The following OXNAD1 variants were observed in gnomAD, a reference collection of about 807,000 sequenced individuals.
The protein encoded by OXNAD1 is oxidoreductase NAD binding domain containing 1.
Under a neutral mutation model 32.9 loss-of-function variants are expected in OXNAD1, and 34 were observed. The ratio of observed to expected loss-of-function variants is 1.03; its 90% CI spans 0.79 to 1.38. The LOEUF (loss-of-function observed/expected upper bound fraction) is 1.38, where lower values mean the gene tolerates loss of function less well. Ranked by LOEUF, OXNAD1 falls within the 40% of genes most tolerant of loss-of-function variation. OXNAD1 has a pLI of 0.00. For missense variants in OXNAD1, 407 were observed against 379.4 expected (o/e 1.07, Z -0.60); for synonymous variants, 134 against 135.2 (o/e 0.99, Z 0.06).
rs959887207 is a variant in OXNAD1 at position 16,344,993 on chromosome 3, T to C, written c.*31-4183T>C. ...TTTTAAGCTCTTTTAGGGGGCCACA[T>C]GGAAAGCATAAGAAATGGGGGCAGC... is the stretch of plus-strand genomic sequence containing the variant. On this transcript the variant is annotated intron_variant, in intron 9 of 9. Coordinates refer to the OXNAD1 transcript ENST00000606098. This position sits in a 1 kb window ranked among gnomAD's most constrained non-coding sequence, Gnocchi z 4.4. 3 of 152,152 alleles carry C rather than the reference T, an allele frequency of 2.0e-5. No individual in the cohort carries two copies. Among genetic ancestry groups the C allele is most frequent in the African/African-American group, 7.2e-5 (3 of 41,418 alleles). The allele number at this position is 152,152 out of a possible 1,614,324, so 9.4% of individuals were successfully genotyped here.
rs1232002223 is a variant in OXNAD1, at chr3:16,298,749, A to C, written c.433-2877A>C. 6.6e-6 allele frequency among the ~76,000 whole-genome samples: 1 copy of C among 152,142 alleles called. No individual in the cohort carries two copies. Among genetic ancestry groups the C allele is most frequent in the Non-Finnish European group, 1.5e-5 (1 of 68,024 alleles). On this transcript the variant is annotated intron_variant, in intron 6 of 8. Coordinates refer to ENST00000285083, the MANE Select transcript of OXNAD1 (RefSeq NM_138381.5). This position sits in a 1 kb window ranked among gnomAD's most constrained non-coding sequence, Gnocchi z 5.1. ...CTCTTGGCAGGGTAAAGGGTTCTAG[A>C]CAGCTATTGTGTGCTCAGCTCCAGT...
At position 16,265,972 on chromosome 3, in the gene OXNAD1, A is replaced by G. The variant is rs1182188973; in HGVS notation, c.-159+467A>G. 2.2e-6 allele frequency: 2 copies of G among 904,018 alleles called. No individual in the cohort carries two copies. Among genetic ancestry groups the G allele is most frequent in the Non-Finnish European group, 2.6e-6 (2 of 755,842 alleles). 56.0% of individuals were successfully genotyped at this position (904,018 alleles called of 1,614,324 possible). Reference sequence around the variant, plus strand: ...GCAGATAAAAGGCATTTTTGTCTTGAAAGCAGTGCTAGTGCCTGTTTTGGT... The same window carrying G: ...GCAGATAAAAGGCATTTTTGTCTTGGAAGCAGTGCTAGTGCCTGTTTTGGT... On this transcript the variant is annotated intron_variant, in intron 1 of 8. Transcript: ENST00000285083. The surrounding 1 kb of genome is among the most constrained non-coding windows in gnomAD (Gnocchi z 4.8).
At chr3:16,343,980 G>T (rs2071478573) in intron 9 of OXNAD1, among the ~76,000 whole-genome samples, 1 of 152,172 alleles carries the variant, frequency 6.6e-6, no homozygotes, top group Non-Finnish European at 1.5e-5. Context: ...CTGAGGTGGA[G>T]CAGGGTCTCA....
chr3:16,346,448 C>T lies in OXNAD1; in HGVS notation c.*31-2728C>T, dbSNP rs1343053322. 6.6e-6 allele frequency: 1 copy of T among 152,154 alleles called. No homozygotes were observed. The highest frequency in any genetic ancestry group is 1.9e-4 in the East Asian group (1 of 5,192). The allele number at this position is 152,154 out of a possible 1,614,324, so 9.4% of individuals were successfully genotyped here. On this transcript the variant is annotated intron_variant, in intron 9 of 9. Coordinates refer to the OXNAD1 transcript ENST00000606098. This position sits in a 1 kb window ranked among gnomAD's most constrained non-coding sequence, Gnocchi z 4.4. ...TTAAAGGTCAAATACTTCCTTTTGTCATCTCATTATCCAAACCGTCAACAA... is the reference window on the plus strand; with the variant it reads ...TTAAAGGTCAAATACTTCCTTTTGTTATCTCATTATCCAAACCGTCAACAA...
intron 4 of OXNAD1, among the ~76,000 whole-genome samples, 162 bp from the exon 5 acceptor site, chr3:16,286,177 CATG>C (rs2066057927): frequency 6.6e-6 from 1 of 152,240 alleles, no homozygotes; most frequent in African/African-American, 2.4e-5. Context: ...AATGTATTCA[CATG>C]GTGGTAGGCT....
At chr3:16,308,294 C>T (rs2067711646), downstream of OXNAD1, among the ~76,000 whole-genome samples, 1 of 152,086 alleles carries the variant, frequency 6.6e-6, no homozygotes, top group African/African-American at 2.4e-5. This position sits in a 1 kb window ranked among gnomAD's most constrained non-coding sequence, Gnocchi z 4.4. Context: ...CTGGGTGAGT[C>T]ACTGGAATGA....
Position 16,342,846 on chromosome 3 carries a change from A to AT in OXNAD1, c.*31-6324dup, listed in dbSNP as rs1204225413. Among the ~76,000 whole-genome samples, 5 of 152,176 alleles carry AT rather than the reference A, an allele frequency of 3.3e-5. No individual in the cohort carries two copies. In the East Asian group the frequency reaches 9.7e-4, roughly 29 times the overall value. Reference sequence around the variant, plus strand: ...TCCAGTGGCTGCTAGGCCTGGCTGAATTTTTTACATGCAGTTCCCTAATCT... The same window carrying AT: ...TCCAGTGGCTGCTAGGCCTGGCTGAATTTTTTTACATGCAGTTCCCTAATCT... On this transcript the variant is annotated intron_variant, in intron 9 of 9. Transcript: ENST00000606098. The surrounding 1 kb of genome is among the most constrained non-coding windows in gnomAD (Gnocchi z 4.0).
At position 16,314,269 on chromosome 3, in the gene OXNAD1, A is replaced by C. The variant is rs1232486864; in HGVS notation, c.*30+10677A>C. On this transcript the variant is annotated intron_variant, in intron 9 of 9. Transcript: ENST00000435829. The surrounding 1 kb of genome is among the most constrained non-coding windows in gnomAD (Gnocchi z 4.4). ...CCTATTGGCAATCACAGGGAACTTA[A>C]CATTTCCTTCAGAAATGCCTCCACT... 6.6e-6 allele frequency among the ~76,000 whole-genome samples: 1 copy of C among 152,160 alleles called. No individual in the cohort carries two copies. Among genetic ancestry groups the C allele is most frequent in the Non-Finnish European group, 1.5e-5 (1 of 68,024 alleles).
In OXNAD1 at chr3:16,298,884, A is replaced by C. The variant is rs2066986118; in HGVS notation, c.433-2742A>C. On this transcript the variant is annotated intron_variant, in intron 6 of 8. Coordinates refer to ENST00000285083, the MANE Select transcript of OXNAD1 (RefSeq NM_138381.5). This position sits in a 1 kb window ranked among gnomAD's most constrained non-coding sequence, Gnocchi z 5.1. Reference sequence around the variant, plus strand: ...TTTATTCACTTACATATTACAGTGTACAGTACTTTGAGTCTTGTGTTCGTG... The same window carrying C: ...TTTATTCACTTACATATTACAGTGTCCAGTACTTTGAGTCTTGTGTTCGTG... Among the ~76,000 whole-genome samples the C allele has an allele frequency of 6.6e-6, 1 of 152,208 alleles. No homozygotes were observed. Among genetic ancestry groups the C allele is most frequent in the Admixed American group, 6.5e-5 (1 of 15,274 alleles).
chr3:16,280,456 T>G lies in OXNAD1; in HGVS notation c.184-5886T>G, dbSNP rs1475417358. 1.3e-5 allele frequency among the ~76,000 whole-genome samples: 2 copies of G among 152,120 alleles called. No homozygotes were observed. The highest frequency in any genetic ancestry group is 2.9e-5 in the Non-Finnish European group (2 of 68,028). On this transcript the variant is annotated intron_variant, in intron 4 of 8. Coordinates refer to ENST00000285083, the MANE Select transcript of OXNAD1 (RefSeq NM_138381.5). The surrounding 1 kb of genome is among the most constrained non-coding windows in gnomAD (Gnocchi z 4.5). ...GTAAATCACTTGAGTAAAATCTGCT[T>G]CTAGTCAGATTCCTACACATCAGAT...
downstream of OXNAD1, among the ~76,000 whole-genome samples, chr3:16,308,743 A>G (rs2067747795): frequency 6.6e-6 from 1 of 152,310 alleles, no homozygotes; most frequent in South Asian, 2.1e-4. This position sits in a 1 kb window ranked among gnomAD's most constrained non-coding sequence, Gnocchi z 4.4. Context: ...AAACTTTTAT[A>G]GTTGTTGAGC....
At chr3:16,286,568 A>T in intron 5 of OXNAD1, 120 bp downstream of exon 5, 1 of 782,960 alleles carries the variant, frequency 1.3e-6, no homozygotes, top group Non-Finnish European at 2.1e-6. Flanking sequence ...ATTCTAAATC[A>T]TATCTGCTCA....
rs927991542 is a variant in OXNAD1, at chr3:16,280,251, A to C, written c.184-6091A>C. ...GAGAGGGTGTGATGCAGGAGAGAGG[A>C]TAGTTGCTGGAGGGAAGGCTTGAGA... is the stretch of plus-strand genomic sequence containing the variant. On this transcript the variant is annotated intron_variant, in intron 4 of 8. Coordinates refer to ENST00000285083, the MANE Select transcript of OXNAD1 (RefSeq NM_138381.5). The surrounding 1 kb of genome is among the most constrained non-coding windows in gnomAD (Gnocchi z 4.5). Among the ~76,000 whole-genome samples, 2 of 152,066 alleles carry C rather than the reference A, an allele frequency of 1.3e-5. No individual in the cohort carries two copies. Among genetic ancestry groups the C allele is most frequent in the African/African-American group, 4.8e-5 (2 of 41,398 alleles).
In OXNAD1 at chr3:16,335,291, T is replaced by A. The variant is rs2070736480; in HGVS notation, c.*31-1821T>A. On this transcript the variant is annotated intron_variant, in intron 9 of 9. Transcript: ENST00000435829. The surrounding 1 kb of genome is among the most constrained non-coding windows in gnomAD (Gnocchi z 4.7). ...GAGGCTGGCTGAGGGCTGGATTTCC[T>A]TGTGAGGGGGTGAGCAGAAGATGAA... 6.6e-6 allele frequency among the ~76,000 whole-genome samples: 1 copy of A among 152,092 alleles called. No homozygotes were observed. The highest frequency in any genetic ancestry group is 6.5e-5 in the Admixed American group (1 of 15,272).
intron 9 of OXNAD1, among the ~76,000 whole-genome samples, chr3:16,328,092 GCCC>G (rs2069914387): frequency 6.6e-6 from 1 of 152,332 alleles, no homozygotes; most frequent in South Asian, 2.1e-4. Context: ...CACAGCCCCG[GCCC>G]CTGGAGTTCA....
At position 16,312,498 on chromosome 3, in the gene OXNAD1, T is replaced by C. The variant is rs1415989911; in HGVS notation, c.*30+8906T>C. Among the ~76,000 whole-genome samples, 1 of 152,204 alleles carries C rather than the reference T, an allele frequency of 6.6e-6. No homozygotes were observed. Among genetic ancestry groups the C allele is most frequent in the Non-Finnish European group, 1.5e-5 (1 of 68,030 alleles). Reference sequence around the variant, plus strand: ...ATCCTCACCCTTCCCGTCTTGCCAGTCCTTTCAGGACTTGATCTTCAATCT... The same window carrying C: ...ATCCTCACCCTTCCCGTCTTGCCAGCCCTTTCAGGACTTGATCTTCAATCT... On this transcript the variant is annotated intron_variant, in intron 9 of 9. Transcript: ENST00000435829. The surrounding 1 kb of genome is among the most constrained non-coding windows in gnomAD (Gnocchi z 4.7).
In OXNAD1 at chr3:16,322,972, C is replaced by T. The variant is rs2069245151; in HGVS notation, c.*31-14140C>T. 1.3e-5 allele frequency among the ~76,000 whole-genome samples: 2 copies of T among 152,188 alleles called. No individual in the cohort carries two copies. The highest frequency in any genetic ancestry group is 4.1e-4 in the South Asian group (2 of 4,828). The stretch of plus-strand genomic sequence containing the variant: ...CTTTTAATGTCCTAAGGAATCTTAA[C>T]AGGGCAGGCCAGAGCTCCAACTAGC... On this transcript the variant is annotated intron_variant, in intron 9 of 9. Coordinates refer to the OXNAD1 transcript ENST00000435829. This position sits in a 1 kb window ranked among gnomAD's most constrained non-coding sequence, Gnocchi z 6.2.
At position 16,329,467 on chromosome 3, in the gene OXNAD1, G is replaced by A. The variant is rs2125238340; in HGVS notation, c.*31-7645G>A. ...GGGGCCAGGAGAGAATGCCATTCTG[G>A]TCCCTTCCCTGAAGCCTCTATCAGG... On this transcript the variant is annotated intron_variant, in intron 9 of 9. Transcript: ENST00000435829. The surrounding 1 kb of genome is among the most constrained non-coding windows in gnomAD (Gnocchi z 4.5). Among the ~76,000 whole-genome samples the A allele has an allele frequency of 6.6e-6, 1 of 152,288 alleles. No individual in the cohort carries two copies. Among genetic ancestry groups the A allele is most frequent in the Middle Eastern group, 3.4e-3 (1 of 294 alleles).
intron 1 of OXNAD1, among the ~76,000 whole-genome samples, chr3:16,266,349 CT>C (rs2064499235): frequency 6.6e-6 from 1 of 152,044 alleles, no homozygotes; most frequent in Admixed American, 6.6e-5. Context: ...ATTACAATGA[CT>C]ACTAAACTTT....
Sources: gnomAD v4.1 joint callset for allele counts (sites outside exome capture counted in the v4.1 genomes callset) on GRCh38, gnomAD v4.1.1 for gene constraint, Gnocchi (gnomAD v3.1) non-coding constraint, MANE v1.5 for transcripts, NCBI Gene and HGNC (gene_info 2026-07-23, HGNC 2026-07-21) for gene names.